Variants in CNTN3 observed in about 807,000 individuals in gnomAD.
The protein encoded by CNTN3 is contactin-3.
CNTN3 carries 60 observed loss-of-function variants against 119.1 expected under a neutral mutation model. The ratio of observed to expected loss-of-function variants is 0.50; its 90% CI spans 0.41 to 0.62. The LOEUF is 0.62. CNTN3 is among the 20% of genes least tolerant of loss of function. The pLI is 0.00. For missense variants in CNTN3, 1,101 were observed against 1,242.4 expected (o/e 0.89, Z 1.71); for synonymous variants, 450 against 438.7 (o/e 1.03, Z -0.32).
chr3:74,304,539 T>G (rs1702522141), intron 13 of CNTN3, among the ~76,000 whole-genome samples: 1 of 152,182 alleles, frequency 6.6e-6, no homozygotes, highest in African/African-American at 2.4e-5. Flanking sequence ...TTTGAAGGCA[T>G]CTGGGTAAAA....
chr3:74,352,597 C>G (rs1027585113), intron 11 of CNTN3, among the ~76,000 whole-genome samples: 12 of 152,154 alleles, frequency 7.9e-5, no homozygotes, highest in African/African-American at 2.9e-4. Flanking sequence ...TTTTTGACGG[C>G]TCCTTGATGT....
intron 5 of CNTN3, among the ~76,000 whole-genome samples, chr3:74,408,882 T>A (rs1470122993): frequency 6.6e-6 from 1 of 152,174 alleles, no homozygotes; most frequent in East Asian, 1.9e-4. Context: ...CCCAAAGTCT[T>A]AACTAGTATC....
At chr3:74,600,449 T>C (rs564004099) in intron 1 of CNTN3, among the ~76,000 whole-genome samples, 32 of 152,114 alleles carry the variant, frequency 2.1e-4, no homozygotes, top group Non-Finnish European at 3.5e-4. Flanking sequence ...GTGGGAAATA[T>C]GGGTTTCATT....
chr3:74,471,506 G>C (rs959276346), intron 4 of CNTN3, among the ~76,000 whole-genome samples: 1 of 151,976 alleles, frequency 6.6e-6, no homozygotes, highest in Non-Finnish European at 1.5e-5. Context: ...TTGAATCCTT[G>C]ATCCTCTCTA....
chr3:74,601,697 C>T (rs1416183409), intron 1 of CNTN3, among the ~76,000 whole-genome samples: 2 of 152,106 alleles, frequency 1.3e-5, no homozygotes, highest in Non-Finnish European at 2.9e-5. Flanking sequence ...ACTGCAGTTC[C>T]TCCCACTAAT....
At chr3:74,505,745 T>A (rs1703246762) in intron 2 of CNTN3, among the ~76,000 whole-genome samples, 1 of 152,064 alleles carries the variant, frequency 6.6e-6, no homozygotes, top group Non-Finnish European at 1.5e-5. Context: ...GAAAATAAAA[T>A]ACTTATTAGG....
chr3:74,319,036 A>G (rs1702911314), intron 13 of CNTN3, among the ~76,000 whole-genome samples: 1 of 152,200 alleles, frequency 6.6e-6, no homozygotes, highest in Non-Finnish European at 1.5e-5. Context: ...AAATGGAAGA[A>G]CATTCCTTGC....
At chr3:74,570,016 T>C (rs1704284297) in intron 1 of CNTN3, among the ~76,000 whole-genome samples, 1 of 152,114 alleles carries the variant, frequency 6.6e-6, no homozygotes, top group South Asian at 2.1e-4. Context: ...CAGAGGAAGC[T>C]CTTATGCATA....
At chr3:74,566,583 G>T (rs907530316) in intron 1 of CNTN3, among the ~76,000 whole-genome samples, 15 of 152,024 alleles carry the variant, frequency 9.9e-5, no homozygotes, top group African/African-American at 3.6e-4. Flanking sequence ...GTCTTCACAT[G>T]GTCCTCTTCC....
chr3:74,285,255 T>C (rs746440383), intron 20 of CNTN3, 50 bp downstream of exon 20: 1 of 1,525,628 alleles, frequency 6.6e-7, no homozygotes, highest in Non-Finnish European at 8.8e-7. Flanking sequence ...GCTATCCTTT[T>C]TAATGCAAAC....
Position 74,304,392 on chromosome 3 carries a change from C to T in CNTN3, c.1669-1585G>A, listed in dbSNP as rs1702518800. ...GACCTTTAGAAACTCTTAGGTCTTA[C>T]GAGCTTCATATATTCATAGGAGGTT... On this transcript the variant is annotated intron_variant, in intron 13 of 22. Coordinates refer to ENST00000263665, the MANE Select transcript of CNTN3 (RefSeq NM_020872.3). 2.6e-5 allele frequency among the ~76,000 whole-genome samples: 4 copies of T among 152,150 alleles called. No individual in the cohort carries two copies. The South Asian group carries it at 6.2e-4, about 24-fold the overall frequency.
chr3:74,577,173 G>A (rs1166728703), intron 1 of CNTN3, among the ~76,000 whole-genome samples: 3 of 152,116 alleles, frequency 2.0e-5, no homozygotes, highest in Admixed American at 6.5e-5. Flanking sequence ...TGCCATTCAG[G>A]GAGCCATGCC....
chr3:74,268,644 T>C (rs1374115115), intron 20 of CNTN3, among the ~76,000 whole-genome samples: 2 of 152,148 alleles, frequency 1.3e-5, no homozygotes, highest in East Asian at 1.9e-4. Flanking sequence ...TCAGCTAAGA[T>C]TGTCTGAGCT....
intron 4 of CNTN3, among the ~76,000 whole-genome samples, chr3:74,428,135 T>C (rs1233921429): frequency 6.6e-6 from 1 of 152,186 alleles, no homozygotes; most frequent in Non-Finnish European, 1.5e-5. Flanking sequence ...CTGCCAGTCA[T>C]ATAAAAGTTT....
At chr3:74,567,391 C>T (rs533438286) in intron 1 of CNTN3, among the ~76,000 whole-genome samples, 16 of 134,808 alleles carry the variant, frequency 1.2e-4, no homozygotes, top group South Asian at 9.2e-4. Flanking sequence ...AACTCCTGGG[C>T]GCAAGTGATC....
At chr3:74,459,293 C>T (rs1702323294) in intron 4 of CNTN3, among the ~76,000 whole-genome samples, 2 of 152,012 alleles carry the variant, frequency 1.3e-5, no homozygotes, top group South Asian at 4.1e-4. Flanking sequence ...CTATCGCCAA[C>T]CTCTGTCACT....
chr3:74,327,722 G>T (rs879704765), intron 13 of CNTN3, among the ~76,000 whole-genome samples: 3 of 151,926 alleles, frequency 2.0e-5, no homozygotes, highest in Non-Finnish European at 2.9e-5. Context: ...GTGGAAAATT[G>T]ATTTGCAAGT....
intron 11 of CNTN3, among the ~76,000 whole-genome samples, chr3:74,360,879 A>G (rs1704058396): frequency 6.6e-6 from 1 of 152,010 alleles, no homozygotes; most frequent in Non-Finnish European, 1.5e-5. Flanking sequence ...TCCTCTCTTA[A>G]GGGCTCAGAT....
chr3:74,432,808 G>A (rs577937928), intron 4 of CNTN3, among the ~76,000 whole-genome samples: 10 of 151,992 alleles, frequency 6.6e-5, no homozygotes, highest in African/African-American at 2.2e-4. Flanking sequence ...CTCCTTTTTT[G>A]TTCCCTTTCT....
Sources: allele counts gnomAD v4.1 joint callset (sites outside exome capture counted in the v4.1 genomes callset), GRCh38; gene constraint gnomAD v4.1.1; transcripts MANE v1.5; gene names NCBI Gene and HGNC (gene_info 2026-07-23, HGNC 2026-07-21).